PTS: variants seen among roughly 807,000 people sequenced by gnomAD.
PTS encodes the protein 6-pyruvoyl tetrahydrobiopterin synthase.
Under a neutral mutation model 20.6 loss-of-function variants are expected in PTS, and 23 were observed. The observed-to-expected ratio is 1.12, with a 90% CI of 0.80 to 1.58. The LOEUF (loss-of-function observed/expected upper bound fraction) is 1.58, where lower values mean the gene tolerates loss of function less well. Ranked by LOEUF, PTS falls within the 40% of genes most tolerant of loss-of-function variation. The pLI is 0.00. For missense variants in PTS, 186 were observed against 182.4 expected (o/e 1.02, Z -0.11); for synonymous variants, 65 against 62.5 (o/e 1.04, Z -0.19).
At chr11:112,230,427 C>A in intron 3 of PTS, 197 bp downstream of exon 3, 1 of 805,260 alleles carries the variant, frequency 1.2e-6, no homozygotes, top group Non-Finnish European at 2.2e-6. Context: ...TGTATGTGGA[C>A]AGGTAGAAGG....
Position 112,228,639 on chromosome 11 carries a change from C to G in PTS, c.129C>G (p.Cys43Trp). 1 of 1,608,688 alleles carries G rather than the reference C, an allele frequency of 6.2e-7. No individual in the cohort carries two copies. Among genetic ancestry groups the G allele is most frequent in the Non-Finnish European group, 8.5e-7 (1 of 1,179,166 alleles). ...AAAACTTGAAACTGTTTGGGAAATG[C>G]AACAATCCAAATGGCCATGGGCACA... ...DEENLKLFGK[C>W]NNPNGHGHNY... Residue 43 changes from cysteine to tryptophan, a missense_variant, in exon 2 of 6, where the codon TGC (cysteine) becomes TGG (tryptophan). Coordinates refer to ENST00000280362, the MANE Select transcript of PTS (RefSeq NM_000317.3).
intron 2 of PTS, 99 bp downstream of exon 2, chr11:112,228,772 T>A: frequency 9.6e-7 from 1 of 1,039,952 alleles, no homozygotes; most frequent in Non-Finnish European, 1.5e-6. Flanking sequence ...GGACACAGTG[T>A]GAATGCTTTG....
intron 3 of PTS, 66 bp downstream of exon 3, chr11:112,230,296 G>C (rs1436151043): frequency 1.9e-6 from 3 of 1,548,254 alleles, no homozygotes. Context: ...CAGTGTGGTG[G>C]ATTCTGTGTT....
At position 112,233,739 on chromosome 11, in the gene PTS, G is replaced by C. The variant is rs574364346; in HGVS notation, c.*184G>C. The C allele has an allele frequency of 1.5e-6, 1 of 661,658 alleles. No individual in the cohort carries two copies. The highest frequency in any genetic ancestry group is 3.5e-5 in the East Asian group (1 of 28,294). The allele number at this position is 661,658 out of a possible 1,614,324, so 41.0% of individuals were successfully genotyped here. A position where few individuals can be genotyped will look rare whatever the true frequency, so the allele number is the denominator to read the frequency against. ...TTTAAGTCTATTTAAAACTAAACTTGTAATATACATCCTGAAAATCATTTA... is the reference window on the plus strand; with the variant it reads ...TTTAAGTCTATTTAAAACTAAACTTCTAATATACATCCTGAAAATCATTTA... On this transcript the variant is annotated 3_prime_UTR_variant, in exon 6 of 6. Coordinates refer to ENST00000280362, the MANE Select transcript of PTS (RefSeq NM_000317.3).
chr11:112,228,571 CTT>C lies in PTS; in HGVS notation c.84-8_84-7del, dbSNP rs368800549. On this transcript the variant is annotated intron_variant, in intron 1 of 5. Coordinates refer to ENST00000280362, the MANE Select transcript of PTS (RefSeq NM_000317.3). ...GAATGTGATACTTGTGTCATGCTGACTTTTTTTTTTTTTTTTGGTCAGTAAAT... is the reference window on the plus strand; with the variant it reads ...GAATGTGATACTTGTGTCATGCTGACTTTTTTTTTTTTTTGGTCAGTAAAT... 7.4e-3 allele frequency: 9,785 copies of C among 1,314,558 alleles called. No individual in the cohort carries two copies. Among genetic ancestry groups the C allele is most frequent in the Non-Finnish European group, 8.3e-3 (7,950 of 955,818 alleles). 81.4% of individuals were successfully genotyped at this position (1,314,558 alleles called of 1,614,324 possible). A position where few individuals can be genotyped will look rare whatever the true frequency, so the allele number is the denominator to read the frequency against.
chr11:112,226,606 GC>G (rs1327923881), intron 1 of PTS, 80 bp downstream of exon 1: 2 of 1,316,564 alleles, frequency 1.5e-6, no homozygotes, highest in African/African-American at 3.1e-5. Context: ...CGGCGGGCGT[GC>G]TGACGTCGGG....
At chr11:112,227,248 C>T (rs1019319493) in intron 1 of PTS, among the ~76,000 whole-genome samples, 3 of 152,064 alleles carry the variant, frequency 2.0e-5, no homozygotes, top group Non-Finnish European at 4.4e-5. Context: ...CCATCGCTAT[C>T]TAACAGGATT....
At chr11:112,230,948 G>C (rs1487712311) in intron 4 of PTS, among the ~76,000 whole-genome samples, 3 of 151,698 alleles carry the variant, frequency 2.0e-5, no homozygotes, top group African/African-American at 7.3e-5. Flanking sequence ...GGAATATCCT[G>C]ATTTCCTTCA....
chr11:112,226,738 C>G (rs1386957491), intron 1 of PTS, among the ~76,000 whole-genome samples: 3 of 151,832 alleles, frequency 2.0e-5, no homozygotes, highest in Non-Finnish European at 2.9e-5. Flanking sequence ...GGTGGGGGAG[C>G]TTGATGGTTA....
At chr11:112,226,735 G>A (rs1850337914) in intron 1 of PTS, among the ~76,000 whole-genome samples, 1 of 151,986 alleles carries the variant, frequency 6.6e-6, no homozygotes, top group Non-Finnish European at 1.5e-5. Flanking sequence ...AGGGGTGGGG[G>A]AGCTTGATGG....
At position 112,228,768 on chromosome 11, in the gene PTS, A is replaced by G. The variant is rs535861858; in HGVS notation, c.163+95A>G. ...AAAGAATGGGAAAACTTACGGACAC[A>G]GTGTGAATGCTTTGAGCCTTGAATG... On this transcript the variant is annotated intron_variant, in intron 2 of 5. Coordinates refer to ENST00000280362, the MANE Select transcript of PTS (RefSeq NM_000317.3). The G allele has an allele frequency of 8.3e-6, 9 of 1,085,348 alleles. No homozygotes were observed. In the South Asian group the frequency reaches 1.2e-4, roughly 14 times the overall value. The allele number at this position is 1,085,348 out of a possible 1,614,324, so 67.2% of individuals were successfully genotyped here. A position where few individuals can be genotyped will look rare whatever the true frequency, so the allele number is the denominator to read the frequency against.
At chr11:112,233,346 G>C in intron 5 of PTS, 86 bp from the exon 6 acceptor site, 1 of 1,533,512 alleles carries the variant, frequency 6.5e-7, no homozygotes. Flanking sequence ...TTCGAAACTA[G>C]AATTTCTATT....
rs377381248 is a variant in PTS, at chr11:112,230,568, C to T, written c.187-58C>T. ...ACATTGTACTGCCTTTAATAATTTGCCAGCCGTTTAATATGGAGAGCCTAT... is the reference window on the plus strand; with the variant it reads ...ACATTGTACTGCCTTTAATAATTTGTCAGCCGTTTAATATGGAGAGCCTAT... On this transcript the variant is annotated intron_variant, in intron 3 of 5. Transcript: ENST00000280362. The T allele has an allele frequency of 3.0e-5, 43 of 1,436,344 alleles. 1 individual carries two copies. The highest frequency in any genetic ancestry group is 2.3e-4 in the East Asian group (10 of 44,008). The allele number at this position is 1,436,344 out of a possible 1,614,324, so 89.0% of individuals were successfully genotyped here.
intron 4 of PTS, among the ~76,000 whole-genome samples, chr11:112,231,641 C>T (rs75151750): frequency 0.036 from 5,541 of 152,064 alleles, 253 homozygotes; most frequent in African/African-American, 0.11. Context: ...TTCTCTACTT[C>T]GCATCAGTTT....
chr11:112,232,147 G>T (rs555403213), intron 4 of PTS, among the ~76,000 whole-genome samples: 1 of 152,060 alleles, frequency 6.6e-6, no homozygotes, highest in African/African-American at 2.4e-5. Context: ...GCTCTACCGT[G>T]GGGGGAGGAT....
intron 3 of PTS, 92 bp downstream of exon 3, chr11:112,230,322 C>A: frequency 6.9e-7 from 1 of 1,439,938 alleles, no homozygotes; most frequent in South Asian, 1.1e-5. Context: ...CTGTTCCAGT[C>A]AGTATTGCTT....
chr11:112,227,481 A>G (rs1375208173), intron 1 of PTS, among the ~76,000 whole-genome samples: 1 of 152,178 alleles, frequency 6.6e-6, no homozygotes, highest in African/African-American at 2.4e-5. Context: ...CCACAAAGGA[A>G]TACTGAGACT....
chr11:112,233,281 G>T, intron 5 of PTS, 48 bp downstream of exon 5: 2 of 1,575,654 alleles, frequency 1.3e-6, no homozygotes, highest in Non-Finnish European at 1.7e-6. Context: ...AACAAGAATT[G>T]ATTTGAATAC....
At chr11:112,230,255 GT>G in intron 3 of PTS, 25 bp downstream of exon 3, 1 of 1,610,644 alleles carries the variant, frequency 6.2e-7, no homozygotes, top group Non-Finnish European at 8.5e-7. Flanking sequence ...TATTTGTGTG[GT>G]TTTTGCAGAT....
Sources: allele counts gnomAD v4.1 joint callset (sites outside exome capture counted in the v4.1 genomes callset), GRCh38; gene constraint gnomAD v4.1.1; transcripts MANE v1.5; gene names NCBI Gene and HGNC (gene_info 2026-07-23, HGNC 2026-07-21).